GPHN: variants seen among roughly 807,000 people sequenced by gnomAD.
GPHN encodes gephyrin.
A neutral mutation model predicts 95.5 loss-of-function variants in GPHN; 17 were observed. That is an observed-to-expected ratio of 0.18 (90% CI 0.12 to 0.27). The LOEUF (loss-of-function observed/expected upper bound fraction) is 0.27, where lower values mean the gene tolerates loss of function less well. Ranked by LOEUF, GPHN falls within the 10% of genes least tolerant of loss-of-function variation. GPHN has a pLI of 1.00. For synonymous variants in GPHN, 320 were observed against 322.5 expected (o/e 0.99, Z 0.08); for missense variants, 660 against 978.1 (o/e 0.67, Z 4.34).
At position 67,122,032 on chromosome 14, in the gene GPHN, G is replaced by A. The variant is rs576528348; in HGVS notation, c.1627-224G>A. ...GGGATATTTTGCATGCAGTTCAATC[G>A]CCAGTGAAATTTCAGAGTGTTTTTT... On this transcript the variant is annotated intron_variant, in intron 16 of 22. Coordinates refer to ENST00000478722, the MANE Select transcript of GPHN (RefSeq NM_020806.5). Among the ~76,000 whole-genome samples the A allele has an allele frequency of 2.4e-3, 365 of 152,162 alleles. 4 individuals carry two copies. The highest frequency in any genetic ancestry group is 8.3e-3 in the African/African-American group (343 of 41,544).
chr14:67,159,183 C>G (rs947335056), intron 18 of GPHN, among the ~76,000 whole-genome samples: 2 of 151,966 alleles, frequency 1.3e-5, no homozygotes, highest in Non-Finnish European at 2.9e-5. Context: ...GCTGTATCCC[C>G]CTACACATAG....
At chr14:66,791,892 A>C (rs1187902755) in intron 3 of GPHN, among the ~76,000 whole-genome samples, 2 of 152,188 alleles carry the variant, frequency 1.3e-5, no homozygotes, top group Non-Finnish European at 2.9e-5. Flanking sequence ...AAAGAGGTTT[A>C]ATTGACTCAC....
rs536894198 is a variant in GPHN, at chr14:67,026,226, A to G, written c.1006+2551A>G. On this transcript the variant is annotated intron_variant, in intron 10 of 22. Coordinates refer to ENST00000478722, the MANE Select transcript of GPHN (RefSeq NM_020806.5). Reference sequence around the variant, plus strand: ...GCAGAAATTGTAAAGAATAAAATAAATAAATTTTAAAATGTGGTAATAAGA... The same window carrying G: ...GCAGAAATTGTAAAGAATAAAATAAGTAAATTTTAAAATGTGGTAATAAGA... Among the ~76,000 whole-genome samples the G allele has an allele frequency of 8.4e-4, 128 of 152,336 alleles. 2 individuals carry two copies. The highest frequency in any genetic ancestry group is 8.8e-5 in the Non-Finnish European group (6 of 68,026).
intron 1 of GPHN, among the ~76,000 whole-genome samples, chr14:66,525,925 C>T (rs1357012224): frequency 6.6e-5 from 10 of 151,756 alleles, no homozygotes; most frequent in Admixed American, 1.3e-4. Context: ...AGCATGATGC[C>T]TCCAGCTTTG....
chr14:66,787,781 AAAG>A (rs762741238), intron 3 of GPHN, among the ~76,000 whole-genome samples: 1 of 152,012 alleles, frequency 6.6e-6, no homozygotes, highest in South Asian at 2.1e-4. Flanking sequence ...GCAAAAAAAA[AAAG>A]AATCTCAGTC....
At chr14:66,509,842 T>G (rs2057969689) in intron 1 of GPHN, among the ~76,000 whole-genome samples, 1 of 152,088 alleles carries the variant, frequency 6.6e-6, no homozygotes, top group Non-Finnish European at 1.5e-5. Context: ...CTTTTATTAT[T>G]AGGTAGAAAA....
intron 2 of GPHN, among the ~76,000 whole-genome samples, chr14:66,690,525 C>A (rs2067698255): frequency 6.6e-6 from 1 of 152,062 alleles, no homozygotes; most frequent in African/African-American, 2.4e-5. Flanking sequence ...GATATTTTCT[C>A]TAAAGGTTTG....
intron 2 of GPHN, among the ~76,000 whole-genome samples, chr14:66,712,559 T>C (rs986522192): frequency 7.9e-5 from 12 of 152,228 alleles, no homozygotes; most frequent in African/African-American, 2.4e-4. Context: ...ATGGATAAAT[T>C]GCAAAAATTT....
chr14:67,303,767 C>CT, the GPHN span, among the ~76,000 whole-genome samples: 233 of 150,982 alleles, frequency 1.5e-3, no homozygotes, highest in Non-Finnish European at 2.4e-3. Context: ...AACTCTGCAC[C>CT]TTTTTTTTTG....
intron 13 of GPHN, among the ~76,000 whole-genome samples, chr14:67,106,026 A>G (rs182295397): frequency 1.3e-5 from 2 of 151,890 alleles, no homozygotes; most frequent in Admixed American, 1.3e-4. Context: ...TATGATAGTG[A>G]TTATTGTCTT....
At chr14:67,049,516 ACTT>A (rs944396307) in intron 10 of GPHN, among the ~76,000 whole-genome samples, 1 of 143,078 alleles carries the variant, frequency 7.0e-6, no homozygotes, top group Admixed American at 7.0e-5. Flanking sequence ...GTCTGTGACA[ACTT>A]TTTTTTTTTT....
intron 7 of GPHN, among the ~76,000 whole-genome samples, chr14:66,923,188 A>G (rs2066306989): frequency 6.6e-6 from 1 of 152,190 alleles, no homozygotes; most frequent in African/African-American, 2.4e-5. Context: ...AATAGCTACA[A>G]TGATAAACAA....
In GPHN at chr14:66,508,491, C is replaced by T. The variant is rs1003673481; in HGVS notation, c.-37C>T. 3 of 1,607,164 alleles carry T rather than the reference C, an allele frequency of 1.9e-6. No homozygotes were observed. The highest frequency in any genetic ancestry group is 2.2e-5 in the South Asian group (2 of 90,956). Reference sequence around the variant, plus strand: ...CCGCGCGCTCCGGGCTCCGGTTTCTCCCGGCTCCTGTCAGTGCGGTGACTG... The same window carrying T: ...CCGCGCGCTCCGGGCTCCGGTTTCTTCCGGCTCCTGTCAGTGCGGTGACTG... On this transcript the variant is annotated 5_prime_UTR_variant, in exon 1 of 23. Transcript: ENST00000478722.
intron 4 of GPHN, among the ~76,000 whole-genome samples, chr14:66,869,869 T>A (rs1169792105): frequency 6.6e-6 from 1 of 152,230 alleles, no homozygotes; most frequent in African/African-American, 2.4e-5. Flanking sequence ...GTTAAATATT[T>A]TATTCTAATT....
At position 66,508,180 on chromosome 14, in the gene GPHN, G is replaced by A. The variant is rs1566729295; in HGVS notation, c.-348G>A. ...CTCAGTCCTGCCATCTAGCTGCCTT[G>A]GGTCTCGCGCTCCGCAGAGCGTTCC... On this transcript the variant is annotated 5_prime_UTR_variant, in exon 1 of 23. Transcript: ENST00000478722. 12 of 484,230 alleles carry A rather than the reference G, an allele frequency of 2.5e-5. 1 individual carries two copies. The highest frequency in any genetic ancestry group is 2.1e-4 in the South Asian group (10 of 48,036). The allele number at this position is 484,230 out of a possible 1,614,324, so 30.0% of individuals were successfully genotyped here.
At chr14:67,492,529 G>T in the GPHN span, among the ~76,000 whole-genome samples, 3 of 152,188 alleles carry the variant, frequency 2.0e-5, no homozygotes, top group African/African-American at 7.2e-5. Context: ...CATGTCCTTA[G>T]GGTGTCCTGG....
chr14:66,686,353 T>C (rs894964411), intron 2 of GPHN, among the ~76,000 whole-genome samples: 8 of 152,220 alleles, frequency 5.3e-5, no homozygotes, highest in Non-Finnish European at 1.0e-4. Flanking sequence ...GCCATTTTCA[T>C]GATATTGATT....
the GPHN span, among the ~76,000 whole-genome samples, chr14:67,675,328 C>G: frequency 7.2e-5 from 11 of 151,890 alleles, no homozygotes; most frequent in African/African-American, 2.4e-4. Context: ...GGCACAATAG[C>G]GAGAGCTCTA....
At chr14:66,831,783 CACTT>C (rs748502817) in intron 4 of GPHN, among the ~76,000 whole-genome samples, 2 of 152,162 alleles carry the variant, frequency 1.3e-5, no homozygotes, top group African/African-American at 2.4e-5. Flanking sequence ...TAACAACTAA[CACTT>C]ACATATAGCA....
Sources: allele counts gnomAD v4.1 joint callset (sites outside exome capture counted in the v4.1 genomes callset), GRCh38; gene constraint gnomAD v4.1.1; transcripts MANE v1.5; gene names NCBI Gene and HGNC (gene_info 2026-07-23, HGNC 2026-07-21).